ZC3H12B: variants seen among roughly 807,000 people sequenced by gnomAD.
The protein encoded by ZC3H12B is zinc finger CCCH-type containing 12B.
In ZC3H12B, 7 loss-of-function variants were observed where a neutral mutation model predicts 43.9. The ratio of observed to expected loss-of-function variants is 0.16; its 90% CI spans 0.09 to 0.30. The LOEUF (loss-of-function observed/expected upper bound fraction) is 0.30. ZC3H12B is among the 10% of genes least tolerant of loss of function. ZC3H12B has a pLI of 1.00. For synonymous variants in ZC3H12B, 222 were observed against 241.7 expected (o/e 0.92, Z 0.76); for missense variants, 475 against 670.2 (o/e 0.71, Z 3.22).
chrX:65,323,140 C>A, the ZC3H12B span, among the ~76,000 whole-genome samples: 1 of 112,104 alleles, frequency 8.9e-6, no homozygotes, highest in Non-Finnish European at 1.9e-5. Context: ...CATTTTATTT[C>A]TCTCTGTTGC....
the ZC3H12B span, among the ~76,000 whole-genome samples, chrX:65,198,465 A>C: frequency 8.9e-6 from 1 of 111,901 alleles, no homozygotes; most frequent in Non-Finnish European, 1.9e-5. Flanking sequence ...GAGTGTGGGA[A>C]AGTCTCCATT....
chrX:65,058,459 A>G, the ZC3H12B span, among the ~76,000 whole-genome samples: 3 of 112,045 alleles, frequency 2.7e-5, no homozygotes, highest in African/African-American at 9.7e-5. Flanking sequence ...AGGGGTAACC[A>G]GCCATGTGAG....
intron 3 of ZC3H12B, among the ~76,000 whole-genome samples, chrX:65,448,955 A>AAAAGAAAGAAAGAAAAGAAAAAGAAAG (rs2067422832): frequency 1.7e-5 from 1 of 58,967 alleles, no homozygotes. Flanking sequence ...GAAAGAAAGA[A>AAAAGAAAGAAAGAAAAGAAAAAGAAAG]AAAGAAAGAA....
the ZC3H12B span, among the ~76,000 whole-genome samples, chrX:65,324,378 TC>T: frequency 9.0e-6 from 1 of 111,380 alleles, no homozygotes; most frequent in Non-Finnish European, 1.9e-5. Context: ...TTTTTTCTAT[TC>T]CATTGAGGCA....
At chrX:65,339,283 C>T in the ZC3H12B span, among the ~76,000 whole-genome samples, 4 of 111,430 alleles carry the variant, frequency 3.6e-5, no homozygotes, top group Non-Finnish European at 7.5e-5. Context: ...TGGGAGGAAG[C>T]TGAGAACACT....
the ZC3H12B span, among the ~76,000 whole-genome samples, chrX:65,287,773 A>AAGATTAGT: frequency 1.8e-5 from 2 of 110,862 alleles, no homozygotes; most frequent in African/African-American, 6.6e-5. Context: ...AAACCTAACC[A>AAGATTAGT]AGATTAGTAG....
the ZC3H12B span, among the ~76,000 whole-genome samples, chrX:65,159,484 C>A: frequency 9.0e-6 from 1 of 111,491 alleles, no homozygotes; most frequent in Non-Finnish European, 1.9e-5. Context: ...TCCTTCACAT[C>A]CCTTGTAAGT....
At chrX:65,344,907 CA>C in the ZC3H12B span, among the ~76,000 whole-genome samples, 1 of 112,072 alleles carries the variant, frequency 8.9e-6, no homozygotes, top group Non-Finnish European at 1.9e-5. Flanking sequence ...CATGAACAGA[CA>C]CTTTTTAAAA....
chrX:65,305,940 C>T, the ZC3H12B span, among the ~76,000 whole-genome samples: 2 of 111,889 alleles, frequency 1.8e-5, no homozygotes, highest in Non-Finnish European at 3.8e-5. Context: ...GTCTGATTTA[C>T]CCAAGTGCTG....
the ZC3H12B span, among the ~76,000 whole-genome samples, chrX:65,259,639 A>G: frequency 8.9e-6 from 1 of 112,376 alleles, no homozygotes; most frequent in Non-Finnish European, 1.9e-5. Flanking sequence ...AAAATAGTAT[A>G]ACCATTATGG....
chrX:65,173,188 G>T, the ZC3H12B span, among the ~76,000 whole-genome samples: 1 of 111,600 alleles, frequency 9.0e-6, no homozygotes, highest in Non-Finnish European at 1.9e-5. Flanking sequence ...TAGCAATTCT[G>T]AATGGGAGTT....
intron 3 of ZC3H12B, among the ~76,000 whole-genome samples, chrX:65,472,437 T>C (rs1041645867): frequency 9.1e-6 from 1 of 109,968 alleles, no homozygotes; most frequent in African/African-American, 3.3e-5. Context: ...TTTGTCGTAA[T>C]CCCATTTGTC....
intron 1 of ZC3H12B, among the ~76,000 whole-genome samples, chrX:65,496,080 GAAC>G (rs750716649): frequency 2.1e-4 from 23 of 111,380 alleles, no homozygotes; most frequent in Non-Finnish European, 3.6e-4. Flanking sequence ...CTCTCACACA[GAAC>G]AACAATATTT....
At chrX:65,212,895 A>T in the ZC3H12B span, among the ~76,000 whole-genome samples, 1 of 106,670 alleles carries the variant, frequency 9.4e-6, no homozygotes, top group South Asian at 3.9e-4. Flanking sequence ...ATGAACTAAT[A>T]AATGATAATA....
chrX:65,058,005 T>C, the ZC3H12B span, among the ~76,000 whole-genome samples: 2 of 112,033 alleles, frequency 1.8e-5, no homozygotes, highest in South Asian at 7.4e-4. Flanking sequence ...TCAAGGTTTT[T>C]AGCTTCTTTG....
At chrX:65,178,635 A>T in the ZC3H12B span, among the ~76,000 whole-genome samples, 6 of 112,831 alleles carry the variant, frequency 5.3e-5, no homozygotes, top group African/African-American at 1.9e-4. Context: ...TAAGACATTT[A>T]TGCTGCCAAG....
At chrX:65,379,668 G>A (rs977964759) in intron 2 of ZC3H12B, among the ~76,000 whole-genome samples, 3 of 112,118 alleles carry the variant, frequency 2.7e-5, no homozygotes, top group Non-Finnish European at 5.6e-5. Flanking sequence ...CAAGCTACGG[G>A]AGGACATTCA....
At chrX:65,443,886 A>G (rs936400970) in intron 3 of ZC3H12B, among the ~76,000 whole-genome samples, 4 of 112,388 alleles carry the variant, frequency 3.6e-5, no homozygotes, top group African/African-American at 1.3e-4. Flanking sequence ...TTTTTAATCT[A>G]TGTGTGTTCT....
the ZC3H12B span, among the ~76,000 whole-genome samples, chrX:65,221,809 A>T: frequency 9.0e-6 from 1 of 111,487 alleles, no homozygotes; most frequent in Non-Finnish European, 1.9e-5. Context: ...ATTCCACAAG[A>T]TATAAAAAAA....
Sources: allele counts gnomAD v4.1 joint callset (sites outside exome capture counted in the v4.1 genomes callset), GRCh38; gene constraint gnomAD v4.1.1; transcripts MANE v1.5; gene names NCBI Gene and HGNC (gene_info 2026-07-23, HGNC 2026-07-21).